Variants in MATN1 observed in about 807,000 individuals in gnomAD.
The protein encoded by MATN1 is matrilin-1.
In MATN1, 34 loss-of-function variants were observed where a neutral mutation model predicts 41.3. The observed-to-expected ratio is 0.82, with a 90% CI of 0.63 to 1.10. MATN1 has a LOEUF of 1.10. Among genes scored for constraint, MATN1 ranks in the 50% least tolerant of loss-of-function variants. The pLI is 0.00. For synonymous variants in MATN1, 264 were observed against 278.7 expected, an observed-to-expected ratio of 0.95 and a Z score of 0.53; for missense variants, 602 against 662.4, an observed-to-expected ratio of 0.91 and a Z score of 1.00.
rs1051087319 is a variant in MATN1 at position 30,713,395 on chromosome 1, A to G, written c.*187T>C. 1.6e-6 allele frequency: 1 copy of G among 627,310 alleles called. No individual in the cohort carries two copies. 38.9% of individuals were successfully genotyped at this position (627,310 alleles called of 1,614,324 possible). ...CGCACGTGCACACACACACACACAC[A>G]CACACATGCACACATACACACACGC... is the stretch of plus-strand genomic sequence containing the variant. On this transcript the variant is annotated 3_prime_UTR_variant, in exon 8 of 8. Transcript: ENST00000373765.
chr1:30,723,285 A>G (rs1557453965), intron 1 of MATN1, among the ~76,000 whole-genome samples, 173 bp downstream of exon 1: 2 of 151,930 alleles, frequency 1.3e-5, no homozygotes, highest in Non-Finnish European at 1.5e-5. Flanking sequence ...TGACCCTTAT[A>G]AGCACCATGG....
intron 2 of MATN1, 172 bp from the exon 3 acceptor site, chr1:30,719,129 A>G (rs1639665080): frequency 3.8e-6 from 2 of 527,760 alleles, no homozygotes; most frequent in South Asian, 2.9e-5. Flanking sequence ...TCTGACTGAG[A>G]GACGTGGCTG....
chr1:30,718,788 T>C lies in MATN1; in HGVS notation c.611A>G (p.Glu204Gly), dbSNP rs1379237153. ...EPQDEHVDYV[E>G]SYSVIEKLSR... ...CAGCTTCTCGATGACGCTGTAGCTC[T>C]CCACGTAATCGACGTGTTCGTCCTG... The change falls in exon 3 of 8, where the codon GAG becomes GGG. Residue 204 changes from glutamate (E) to glycine (G), a missense_variant. Physicochemically the swap from Glu to Gly is moderately conservative, Grantham distance 98 (BLOSUM62 -2). Transcript: ENST00000373765. The C allele has an allele frequency of 1.2e-6, 2 of 1,610,496 alleles. No individual in the cohort carries two copies. The highest frequency in any genetic ancestry group is 1.1e-5 in the South Asian group (1 of 90,706).
intron 1 of MATN1, 62 bp from the exon 2 acceptor site, chr1:30,721,813 AAC>A: frequency 7.2e-7 from 1 of 1,391,638 alleles, no homozygotes; most frequent in Non-Finnish European, 1.0e-6. Context: ...ACTGGGCCTG[AAC>A]ACACAGAGTG....
At chr1:30,718,271 C>T (rs1639648478) in intron 3 of MATN1, among the ~76,000 whole-genome samples, 1 of 151,904 alleles carries the variant, frequency 6.6e-6, no homozygotes, top group Non-Finnish European at 1.5e-5. Context: ...AGCCTTGGCC[C>T]GCCTCAGCGC....
Position 30,713,576 on chromosome 1 carries a change from G to C in MATN1, c.*6C>G. 6.4e-7 allele frequency: 1 copy of C among 1,553,182 alleles called. No individual in the cohort carries two copies. Among genetic ancestry groups the C allele is most frequent in the Non-Finnish European group, 8.7e-7 (1 of 1,147,580 alleles). ...CTTGGAGAGGCCACAGTGGTGACAG[G>C]CAGCCTTAGACAACTGTGTTCTCCA... On this transcript the variant is annotated 3_prime_UTR_variant, in exon 8 of 8. Coordinates refer to ENST00000373765, the MANE Select transcript of MATN1 (RefSeq NM_002379.3).
At chr1:30,716,404 C>A in intron 4 of MATN1, 79 bp from the exon 5 acceptor site, 1 of 1,408,966 alleles carries the variant, frequency 7.1e-7, no homozygotes, top group Non-Finnish European at 9.8e-7. Flanking sequence ...ACACCCACCA[C>A]ACACCAAGCT....
At chr1:30,718,589 G>GC (rs1553124586) in intron 3 of MATN1, 146 bp downstream of exon 3, 126 of 183,028 alleles carry the variant, frequency 6.9e-4, no homozygotes, top group African/African-American at 2.5e-3. Flanking sequence ...CTCCGCCTCT[G>GC]CCCCCCCCCC....
rs1039669126 is a variant in MATN1, at chr1:30,712,729, A to G, written c.*853T>C. On this transcript the variant is annotated 3_prime_UTR_variant, in exon 8 of 8. Coordinates refer to ENST00000373765, the MANE Select transcript of MATN1 (RefSeq NM_002379.3). Reference sequence around the variant, plus strand: ...TCCCCCCCCACCGCCATTGCCCTGTAAGTACATGATACCTGAACGAATGAG... The same window carrying G: ...TCCCCCCCCACCGCCATTGCCCTGTGAGTACATGATACCTGAACGAATGAG... 1.3e-5 allele frequency: 2 copies of G among 152,236 alleles called. No individual in the cohort carries two copies. The highest frequency in any genetic ancestry group is 1.9e-4 in the East Asian group (1 of 5,204). The allele number at this position is 152,236 out of a possible 1,614,324, so 9.4% of individuals were successfully genotyped here.
At chr1:30,721,019 G>A (rs924943748) in intron 2 of MATN1, 1 of 203,416 alleles carries the variant, frequency 4.9e-6, no homozygotes, top group Admixed American at 5.4e-5. Flanking sequence ...ACTTGCTCGG[G>A]GTGGCACAGC....
At chr1:30,716,955 T>G in intron 3 of MATN1, 40 bp from the exon 4 acceptor site, 1 of 1,582,786 alleles carries the variant, frequency 6.3e-7, no homozygotes, top group Non-Finnish European at 8.6e-7. Context: ...ACAGTCATAG[T>G]GCCTTGGGCA....
chr1:30,721,343 G>A, intron 2 of MATN1, 62 bp downstream of exon 2: 10 of 1,468,612 alleles, frequency 6.8e-6, no homozygotes, highest in South Asian at 2.5e-5. Context: ...TGCAGGCAAA[G>A]CTCATAACTC....
At chr1:30,719,075 C>G in intron 2 of MATN1, 118 bp from the exon 3 acceptor site, 1 of 773,182 alleles carries the variant, frequency 1.3e-6, no homozygotes, top group East Asian at 3.3e-5. Context: ...CAGGCGGCAC[C>G]CGGGGGAAGA....
intron 7 of MATN1, chr1:30,714,033 C>T (rs1639586499): frequency 1.7e-6 from 1 of 596,288 alleles, no homozygotes; most frequent in South Asian, 2.0e-5. Flanking sequence ...ATCCTGGCTT[C>T]TGCCTCATTT....
Position 30,713,475 on chromosome 1 carries a change from C to G in MATN1, c.*107G>C. The G allele has an allele frequency of 8.8e-7, 1 of 1,133,348 alleles. No homozygotes were observed. Among genetic ancestry groups the G allele is most frequent in the Non-Finnish European group, 1.3e-6 (1 of 769,220 alleles). 70.2% of individuals were successfully genotyped at this position (1,133,348 alleles called of 1,614,324 possible). Reference sequence around the variant, plus strand: ...ATTACACGCTCTCAATAGGCACACCCAGACACACCCCCTCCCACCCCCGGG... The same window carrying G: ...ATTACACGCTCTCAATAGGCACACCGAGACACACCCCCTCCCACCCCCGGG... On this transcript the variant is annotated 3_prime_UTR_variant, in exon 8 of 8. Coordinates refer to ENST00000373765, the MANE Select transcript of MATN1 (RefSeq NM_002379.3).
At chr1:30,714,688 G>T (rs1287904645) in intron 6 of MATN1, among the ~76,000 whole-genome samples, 3 of 152,114 alleles carry the variant, frequency 2.0e-5, no homozygotes, top group Non-Finnish European at 4.4e-5. Context: ...AATCCAAGAA[G>T]TGAAAAAACT....
chr1:30,714,182 C>T (rs925877624), intron 7 of MATN1, 65 bp downstream of exon 7: 1 of 1,342,916 alleles, frequency 7.4e-7, no homozygotes, highest in Non-Finnish European at 1.0e-6. Flanking sequence ...TTGGGCCATG[C>T]CCCCGCCTCC....
At position 30,721,646 on chromosome 1, in the gene MATN1, A is replaced by T. The variant is rs990515591; in HGVS notation, c.200T>A (p.Val67Asp). ...FEKVKVFLSQ[V>D]IESLDVGPNA... Reference sequence around the variant, plus strand: ...GGGCCCCACGTCCAGCGACTCGATGACCTGGGACAGGAATACCTTCACTTT... The same window carrying T: ...GGGCCCCACGTCCAGCGACTCGATGTCCTGGGACAGGAATACCTTCACTTT... The change falls in exon 2 of 8, where the codon GTC becomes GAC. Residue 67 changes from valine (V) to aspartate (D), a missense_variant. Transcript: ENST00000373765. 1 of 1,613,360 alleles carries T rather than the reference A, an allele frequency of 6.2e-7. No individual in the cohort carries two copies. Among genetic ancestry groups the T allele is most frequent in the African/African-American group, 1.3e-5 (1 of 74,942 alleles).
rs1365018454 is a variant in MATN1, at chr1:30,715,202, T to A, written c.1315A>T (p.Thr439Ser). 1.2e-6 allele frequency: 2 copies of A among 1,614,236 alleles called. No homozygotes were observed. The highest frequency in any genetic ancestry group is 2.7e-5 in the African/African-American group (2 of 75,050). Residue 439 changes from threonine to serine, a missense_variant, in exon 6 of 8, where the codon ACC (threonine) becomes TCC (serine). Coordinates refer to ENST00000373765, the MANE Select transcript of MATN1 (RefSeq NM_002379.3). ...AACTTCTTGCCTATCTGGTTGATGG[T>A]CTTGAAGTCAGCCGTGTAGAAGTAG... ...EHYFYTADFKTINQIGKKLQK... is the reference protein window; with the variant it reads ...EHYFYTADFKSINQIGKKLQK...
Sources: gnomAD v4.1 joint callset for allele counts (sites outside exome capture counted in the v4.1 genomes callset) on GRCh38, gnomAD v4.1.1 for gene constraint, MANE v1.5 for transcripts, NCBI Gene and HGNC (gene_info 2026-07-23, HGNC 2026-07-21) for gene names.